Variants in CSPP1 observed in about 807,000 individuals in gnomAD.
The protein encoded by CSPP1 is centrosome and spindle pole-associated protein 1.
In CSPP1, 126 loss-of-function variants were observed where a neutral mutation model predicts 164.4. The observed-to-expected ratio is 0.77, with a 90% CI of 0.66 to 0.89. The LOEUF (loss-of-function observed/expected upper bound fraction) is 0.89. CSPP1 is among the 40% of genes least tolerant of loss of function. CSPP1 has a pLI of 0.00. For missense variants in CSPP1, 1,395 were observed against 1,449.8 expected, an observed-to-expected ratio of 0.96 and a Z score of 0.61; for synonymous variants, 472 against 476.7, an observed-to-expected ratio of 0.99 and a Z score of 0.13.
intron 29 of CSPP1, among the ~76,000 whole-genome samples, chr8:67,192,065 TG>T (rs1563803291): frequency 7.0e-5 from 10 of 142,574 alleles, no homozygotes; most frequent in African/African-American, 2.7e-4. Context: ...TTTGCTGATT[TG>T]TTTTTTTTTT....
chr8:67,103,644 A>G (rs1395885500), intron 8 of CSPP1, among the ~76,000 whole-genome samples: 2 of 150,410 alleles, frequency 1.3e-5, no homozygotes, highest in Non-Finnish European at 3.0e-5. Flanking sequence ...TACTGAAAAT[A>G]CAAAAAAAAA....
Position 67,093,529 on chromosome 8 carries a change from A to AT in CSPP1, c.385-9dup, listed in dbSNP as rs562603190. 6.3e-5 allele frequency: 97 copies of AT among 1,546,210 alleles called. 1 individual carries two copies. In the South Asian group the frequency reaches 9.8e-4, roughly 16 times the overall value. On this transcript the variant is annotated splice_polypyrimidine_tract_variant and intron_variant, in intron 5 of 30. Coordinates refer to ENST00000678616, the MANE Select transcript of CSPP1 (RefSeq NM_001382391.1). Reference sequence around the variant, plus strand: ...AGTTGAATTTTAACATTGCCTTTTGATTTTTATTTTAAGGAAAGGTTGAAA... The same window carrying AT: ...AGTTGAATTTTAACATTGCCTTTTGATTTTTTATTTTAAGGAAAGGTTGAAA...
At chr8:67,093,435 T>C in intron 5 of CSPP1, 108 bp from the exon 6 acceptor site, 1 of 635,186 alleles carries the variant, frequency 1.6e-6, no homozygotes, top group Non-Finnish European at 2.8e-6. Flanking sequence ...TGATTCTGGG[T>C]AAGAGTTCTG....
At chr8:67,103,754 G>A (rs1814686493) in intron 8 of CSPP1, among the ~76,000 whole-genome samples, 1 of 150,916 alleles carries the variant, frequency 6.6e-6, no homozygotes, top group South Asian at 2.1e-4. Flanking sequence ...GCAGGAGAAT[G>A]GCGTGAACCC....
chr8:67,185,339 A>C (rs1054168122), intron 28 of CSPP1, among the ~76,000 whole-genome samples: 1 of 152,204 alleles, frequency 6.6e-6, no homozygotes, highest in African/African-American at 2.4e-5. Flanking sequence ...TTATCACTTT[A>C]AGATGGATAA....
At chr8:67,098,218 G>C (rs997582324) in intron 7 of CSPP1, among the ~76,000 whole-genome samples, 1 of 150,240 alleles carries the variant, frequency 6.7e-6, no homozygotes, top group Non-Finnish European at 1.5e-5. Flanking sequence ...AGAAGTTCTT[G>C]ACAAAAAATA....
chr8:67,188,029 G>A (rs530052634), intron 28 of CSPP1, among the ~76,000 whole-genome samples: 10 of 152,144 alleles, frequency 6.6e-5, no homozygotes, highest in African/African-American at 1.7e-4. Flanking sequence ...TTGATAAGCC[G>A]GACTTTGTAA....
chr8:67,155,485 GAT>G (rs749285735), intron 19 of CSPP1, among the ~76,000 whole-genome samples: 1 of 152,136 alleles, frequency 6.6e-6, no homozygotes, highest in Non-Finnish European at 1.5e-5. Flanking sequence ...TGACGTAATG[GAT>G]ATAGCCTTTA....
At chr8:67,079,726 A>G (rs1027101125) in intron 3 of CSPP1, among the ~76,000 whole-genome samples, 8 of 152,206 alleles carry the variant, frequency 5.3e-5, no homozygotes, top group Non-Finnish European at 7.3e-5. Context: ...GGGTTGGTCA[A>G]TCCTGTCATG....
At chr8:67,169,936 C>T (rs891792863) in intron 24 of CSPP1, among the ~76,000 whole-genome samples, 3 of 151,864 alleles carry the variant, frequency 2.0e-5, no homozygotes, top group African/African-American at 4.8e-5. Flanking sequence ...TTAGTAGAGA[C>T]GTGGTTTTTC....
At chr8:67,130,355 G>A (rs1391809939) in intron 15 of CSPP1, among the ~76,000 whole-genome samples, 1 of 152,168 alleles carries the variant, frequency 6.6e-6, no homozygotes, top group Non-Finnish European at 1.5e-5. Flanking sequence ...AGACGGGAGG[G>A]ATCATGAGTG....
chr8:67,137,094 G>A (rs781348003), intron 16 of CSPP1, among the ~76,000 whole-genome samples: 1 of 151,956 alleles, frequency 6.6e-6, no homozygotes, highest in Non-Finnish European at 1.5e-5. Flanking sequence ...TGATTCTTGT[G>A]CCTCAGACAC....
At chr8:67,081,367 TTTC>T (rs1809142185) in intron 3 of CSPP1, among the ~76,000 whole-genome samples, 1 of 152,186 alleles carries the variant, frequency 6.6e-6, no homozygotes, top group African/African-American at 2.4e-5. Flanking sequence ...CAATTTTTTT[TTTC>T]TTTTTTCTTT....
At chr8:67,068,919 A>G (rs1250645726) in intron 1 of CSPP1, among the ~76,000 whole-genome samples, 3 of 152,180 alleles carry the variant, frequency 2.0e-5, no homozygotes, top group African/African-American at 7.2e-5. Context: ...GTGAATGACT[A>G]CTGCTTGTTT....
At position 67,076,570 on chromosome 8, in the gene CSPP1, G is replaced by T. The variant is rs752873157; in HGVS notation, c.188G>T (p.Arg63Met). Residue 63 changes from arginine (R) to methionine (M), a missense_variant, in exon 3 of 31, where the codon AGG (arginine) becomes ATG (methionine). By Grantham distance (91) the Arg-to-Met change is moderately conservative. Transcript: ENST00000678616. ...ATACCACCAAATAGTCAACAGACCAGGGGTTCCTTAGGTATGTCATTAGAT... is the reference window on the plus strand; with the variant it reads ...ATACCACCAAATAGTCAACAGACCATGGGTTCCTTAGGTATGTCATTAGAT... ...ENIPPNSQQT[R>M]GSLGIDYGLS... 1 of 1,584,810 alleles carries T rather than the reference G, an allele frequency of 6.3e-7. No individual in the cohort carries two copies. The highest frequency in any genetic ancestry group is 1.4e-5 in the African/African-American group (1 of 73,304).
chr8:67,184,568 TATAAAG>T (rs1833904484), intron 28 of CSPP1, among the ~76,000 whole-genome samples: 1 of 150,706 alleles, frequency 6.6e-6, no homozygotes, highest in South Asian at 2.1e-4. Context: ...CTACTAAAAA[TATAAAG>T]ATTAGCTGGG....
At chr8:67,104,887 G>T (rs903569758) in intron 8 of CSPP1, among the ~76,000 whole-genome samples, 4 of 142,134 alleles carry the variant, frequency 2.8e-5, no homozygotes, top group South Asian at 2.2e-4. Flanking sequence ...TAATTCGCCC[G>T]CCTTGGCCTC....
At chr8:67,143,766 TTGTCTGTAGTCTGTGTGCTTGCTAC>T (rs1340106545) in intron 17 of CSPP1, among the ~76,000 whole-genome samples, 1 of 152,210 alleles carries the variant, frequency 6.6e-6, no homozygotes, top group Non-Finnish European at 1.5e-5. Context: ...ATTTTTTATA[TTGTCTGTAGTCTGTGTGCTTGCTAC>T]TGTCTGTAGT....
chr8:67,138,687 A>G (rs373513851), intron 17 of CSPP1, among the ~76,000 whole-genome samples: 1 of 152,150 alleles, frequency 6.6e-6, no homozygotes, highest in Non-Finnish European at 1.5e-5. Flanking sequence ...GGAAGATTGG[A>G]TGTTGAGTTA....
Sources: allele counts gnomAD v4.1 joint callset (sites outside exome capture counted in the v4.1 genomes callset), GRCh38; gene constraint gnomAD v4.1.1; transcripts MANE v1.5; gene names NCBI Gene and HGNC (gene_info 2026-07-23, HGNC 2026-07-21).